Variants in HIF1A observed in about 807,000 individuals in gnomAD.
The protein encoded by HIF1A is hypoxia-inducible factor 1-alpha.
Under a neutral mutation model 92.7 loss-of-function variants are expected in HIF1A, and 24 were observed. The observed-to-expected ratio is 0.26, with a 90% CI of 0.19 to 0.36. HIF1A has a LOEUF of 0.36. Ranked by LOEUF, HIF1A falls within the 10% of genes least tolerant of loss-of-function variation. The pLI is 1.00. For synonymous variants in HIF1A, 319 were observed against 338.7 expected (o/e 0.94, Z 0.64); for missense variants, 799 against 998.5 (o/e 0.80, Z 2.69).
chr14:61,695,587 G>A lies in HIF1A; in HGVS notation c.-218G>A, dbSNP rs2044102946. 6.7e-6 allele frequency: 4 copies of A among 595,250 alleles called. No homozygotes were observed. The highest frequency in any genetic ancestry group is 6.1e-5 in the Admixed American group (2 of 32,816). 36.9% of individuals were successfully genotyped at this position (595,250 alleles called of 1,614,324 possible). On this transcript the variant is annotated 5_prime_UTR_variant, in exon 1 of 15. Transcript: ENST00000337138. ...TCGCTTCGGCCAGTGTGTCGGGCTG[G>A]GCCCTGACAAGCCACCTGAGGAGAG...
chr14:61,715,315 A>G (rs1230670191), intron 1 of HIF1A, among the ~76,000 whole-genome samples: 3 of 152,226 alleles, frequency 2.0e-5, no homozygotes, highest in Non-Finnish European at 2.9e-5. Flanking sequence ...AAACTCCAAG[A>G]AAGAGCCTGG....
Position 61,695,726 on chromosome 14 carries a change from G to C in HIF1A, c.-79G>C. The C allele has an allele frequency of 2.7e-6, 4 of 1,470,092 alleles. No homozygotes were observed. Among genetic ancestry groups the C allele is most frequent in the Non-Finnish European group, 3.7e-6 (4 of 1,075,910 alleles). 91.1% of individuals were successfully genotyped at this position (1,470,092 alleles called of 1,614,324 possible). On this transcript the variant is annotated 5_prime_UTR_variant, in exon 1 of 15. Transcript: ENST00000337138. ...ACTTGCCTTTCCTTCTCTTCTCCGCGTGTGGAGGGAGCCAGCGCTTAGGCC... is the reference window on the plus strand; with the variant it reads ...ACTTGCCTTTCCTTCTCTTCTCCGCCTGTGGAGGGAGCCAGCGCTTAGGCC...
In HIF1A at chr14:61,695,621, C is replaced by T. The variant is rs1029820248; in HGVS notation, c.-184C>T. 1.1e-5 allele frequency: 7 copies of T among 641,632 alleles called. No individual in the cohort carries two copies. The African/African-American group carries it at 1.1e-4, about 10-fold the overall frequency. The allele number at this position is 641,632 out of a possible 1,614,324, so 39.7% of individuals were successfully genotyped here. On this transcript the variant is annotated 5_prime_UTR_variant, in exon 1 of 15. Transcript: ENST00000337138. ...AAGCCACCTGAGGAGAGGCTCGGAG[C>T]CGGGCCCGGACCCCGGCGATTGCCG...
chr14:61,746,954 G>C lies in HIF1A; in HGVS notation c.2350G>C (p.Gly784Arg). The C allele has an allele frequency of 6.2e-7, 1 of 1,611,864 alleles. No individual in the cohort carries two copies. The highest frequency in any genetic ancestry group is 8.5e-7 in the Non-Finnish European group (1 of 1,179,076). Residue 784 changes from glycine to arginine, a missense_variant, in exon 15 of 15, where the codon GGG becomes CGG. Transcript: ENST00000337138. ...IPSDLACRLLGQSMDESGLPQ... is the reference protein window; with the variant it reads ...IPSDLACRLLRQSMDESGLPQ... ...TTCAGATTTAGCATGTAGACTGCTG[G>C]GGCAATCAATGGATGAAAGTGGATT...
rs1396013226 is a variant in HIF1A, at chr14:61,734,129, C to G, written c.881-9C>G. On this transcript the variant is annotated splice_polypyrimidine_tract_variant and intron_variant, in intron 7 of 14. Transcript: ENST00000337138. ...TTCTCTGCATGATTCTTTTTCTTTT[C>G]CCCCCTAGTGTTTACTAAAGGACAA... 1 of 1,507,710 alleles carries G rather than the reference C, an allele frequency of 6.6e-7. No individual in the cohort carries two copies. The highest frequency in any genetic ancestry group is 1.5e-5 in the African/African-American group (1 of 68,908). The allele number at this position is 1,507,710 out of a possible 1,614,324, so 93.4% of individuals were successfully genotyped here.
At position 61,741,111 on chromosome 14, in the gene HIF1A, A is replaced by G. The variant is rs1255158412; in HGVS notation, c.2016A>G (p.Ala672=). 1 of 1,614,154 alleles carries G rather than the reference A, an allele frequency of 6.2e-7. No homozygotes were observed. Among genetic ancestry groups the G allele is most frequent in the South Asian group, 1.1e-5 (1 of 91,078 alleles). The change falls in exon 12 of 15, where the codon GCA becomes GCG. Residue 672 remains alanine, a synonymous_variant. Coordinates refer to ENST00000337138, the MANE Select transcript of HIF1A (RefSeq NM_001530.4). ...GTCGGACAGCCTCACCAAACAGAGC[A>G]GGAAAAGGAGTCATAGAACAGACAG... ...TQSRTASPNR[A]GKGVIEQTEK...
At chr14:61,730,685 A>G (rs1198510713) in intron 6 of HIF1A, among the ~76,000 whole-genome samples, 1 of 152,124 alleles carries the variant, frequency 6.6e-6, no homozygotes, top group Non-Finnish European at 1.5e-5. Context: ...GATTCTCATC[A>G]CTGCATTTAT....
chr14:61,703,419 C>T (rs2044200056), intron 1 of HIF1A, among the ~76,000 whole-genome samples: 1 of 152,132 alleles, frequency 6.6e-6, no homozygotes, highest in South Asian at 2.1e-4. Context: ...CTAACACAAT[C>T]TAATTTTGGT....
chr14:61,734,078 A>T, intron 7 of HIF1A, 60 bp from the exon 8 acceptor site: 1 of 1,147,792 alleles, frequency 8.7e-7, no homozygotes, highest in Non-Finnish European at 1.2e-6. Context: ...CTGTTCATTT[A>T]ATTGAAAATT....
chr14:61,707,082 A>G (rs1406397812), intron 1 of HIF1A, among the ~76,000 whole-genome samples: 1 of 152,234 alleles, frequency 6.6e-6, no homozygotes, highest in East Asian at 1.9e-4. Flanking sequence ...AGAGAAAAGT[A>G]TGTAACAAAC....
intron 4 of HIF1A, 133 bp from the exon 5 acceptor site, chr14:61,726,573 G>C: frequency 1.8e-6 from 1 of 561,280 alleles, no homozygotes; most frequent in East Asian, 3.1e-5. Context: ...AAAGGGGAAT[G>C]AATTACTGTG....
At chr14:61,697,832 A>T (rs2044133803) in intron 1 of HIF1A, 21 of 1,407,924 alleles carry the variant, frequency 1.5e-5, no homozygotes, top group African/African-American at 4.4e-5. Flanking sequence ...TCTTCAAGCA[A>T]TTTTTTTTTT....
At position 61,697,867 on chromosome 14, in the gene HIF1A, G is replaced by T. The variant is rs559818454; in HGVS notation, c.35+2028G>T. 40 of 1,516,400 alleles carry T rather than the reference G, an allele frequency of 2.6e-5. No individual in the cohort carries two copies. In the African/African-American group the frequency reaches 4.6e-4, roughly 17 times the overall value. 93.9% of individuals were successfully genotyped at this position (1,516,400 alleles called of 1,614,324 possible). A position where few individuals can be genotyped will look rare whatever the true frequency, so the allele number is the denominator to read the frequency against. ...TCATTTTAAATGAGCTCCCAATGTC[G>T]GAGTTTGGAAAACAAATTTGTCTTT... On this transcript the variant is annotated intron_variant, in intron 1 of 14. Transcript: ENST00000337138.
chr14:61,699,298 C>T (rs933889354), intron 1 of HIF1A, among the ~76,000 whole-genome samples: 1 of 152,186 alleles, frequency 6.6e-6, no homozygotes, highest in African/African-American at 2.4e-5. Context: ...AGAATGTCAA[C>T]TTTTCTACCT....
intron 1 of HIF1A, among the ~76,000 whole-genome samples, chr14:61,700,344 TTTC>T: frequency 6.6e-6 from 1 of 152,176 alleles, no homozygotes; most frequent in Non-Finnish European, 1.5e-5. Context: ...ACCATTTTAC[TTTC>T]TGTTTCTGCA....
At chr14:61,699,218 G>A (rs1166409701) in intron 1 of HIF1A, among the ~76,000 whole-genome samples, 1 of 152,140 alleles carries the variant, frequency 6.6e-6, no homozygotes, top group Non-Finnish European at 1.5e-5. Flanking sequence ...GAACTATCGA[G>A]TTATTTTAGA....
chr14:61,700,004 C>A (rs1209289921), intron 1 of HIF1A, among the ~76,000 whole-genome samples: 2 of 151,604 alleles, frequency 1.3e-5, no homozygotes, highest in South Asian at 4.2e-4. Context: ...ATTTATAAAC[C>A]CTTATTTATT....
chr14:61,740,707 T>A, intron 11 of HIF1A, 48 bp from the exon 12 acceptor site: 7 of 1,551,070 alleles, frequency 4.5e-6, no homozygotes, highest in Non-Finnish European at 6.1e-6. Context: ...TGTTTTTTAT[T>A]TATAAGGTGT....
chr14:61,707,446 T>G (rs1401758057), intron 1 of HIF1A, among the ~76,000 whole-genome samples: 1 of 152,086 alleles, frequency 6.6e-6, no homozygotes, highest in East Asian at 1.9e-4. Context: ...CCTAATGCTA[T>G]CCCTCCCCGC....
Sources: gnomAD v4.1 joint callset for allele counts (sites outside exome capture counted in the v4.1 genomes callset) on GRCh38, gnomAD v4.1.1 for gene constraint, MANE v1.5 for transcripts, NCBI Gene and HGNC (gene_info 2026-07-23, HGNC 2026-07-21) for gene names.